PPIP5K2: variants seen among roughly 807,000 people sequenced by gnomAD.
PPIP5K2 encodes the protein diphosphoinositol pentakisphosphate kinase 2, also known as inositol hexakisphosphate and diphosphoinositol-pentakisphosphate kinase 2.
Under a neutral mutation model 154.6 loss-of-function variants are expected in PPIP5K2, and 105 were observed. The ratio of observed to expected loss-of-function variants is 0.68; its 90% confidence interval spans 0.58 to 0.80. PPIP5K2 has a LOEUF of 0.80. PPIP5K2 is among the 30% of genes least tolerant of loss of function. The pLI, the probability that PPIP5K2 is intolerant of heterozygous loss-of-function variation, is 0.00. For synonymous variants in PPIP5K2, 480 were observed against 490.3 expected (o/e 0.98, Z 0.28); for missense variants, 992 against 1,504.6 (o/e 0.66, Z 5.64).
At chr5:103,138,236 C>A (rs912819337) in intron 4 of PPIP5K2, 148 bp from the exon 5 acceptor site, 4 of 388,098 alleles carry the variant, frequency 1.0e-5, no homozygotes, top group Non-Finnish European at 1.8e-5. Flanking sequence ...TTCGAAGTGA[C>A]ATTTGTTTAT....
chr5:103,162,822 C>G (rs578059417), intron 17 of PPIP5K2, among the ~76,000 whole-genome samples: 1 of 152,112 alleles, frequency 6.6e-6, no homozygotes, highest in Admixed American at 6.6e-5. Flanking sequence ...CTGTTTTGCT[C>G]TTCACATTTA....
chr5:103,176,873 A>G (rs2149720940), intron 21 of PPIP5K2: 1 of 1,434,264 alleles, frequency 7.0e-7, no homozygotes, highest in South Asian at 1.2e-5. Context: ...AAGACCAATG[A>G]TTCTCAGAAT....
chr5:103,132,413 G>T (rs1194017176), intron 2 of PPIP5K2, among the ~76,000 whole-genome samples: 1 of 152,082 alleles, frequency 6.6e-6, no homozygotes, highest in Middle Eastern at 3.2e-3. Context: ...GGGTGTGGTG[G>T]TGCATGCCTG....
chr5:103,204,506 A>G lies in PPIP5K2; in HGVS notation c.*2872A>G, dbSNP rs1803386651. On this transcript the variant is annotated 3_prime_UTR_variant, in exon 31 of 31. Transcript: ENST00000358359. ...GTCACCCCAGCTGGAGTGCAGTGGC[A>G]CAGTCTTAATTCACTACAGCCTTGA... 1 of 152,168 alleles carries G rather than the reference A, an allele frequency of 6.6e-6. No individual in the cohort carries two copies. The highest frequency in any genetic ancestry group is 1.5e-5 in the Non-Finnish European group (1 of 68,056). 9.4% of individuals were successfully genotyped at this position (152,168 alleles called of 1,614,324 possible).
intron 21 of PPIP5K2, among the ~76,000 whole-genome samples, chr5:103,174,918 T>C (rs182333137): frequency 8.8e-4 from 134 of 152,136 alleles, no homozygotes; most frequent in Middle Eastern, 3.4e-3. Context: ...TCTTCCCACA[T>C]ACAAAACTCA....
intron 7 of PPIP5K2, chr5:103,148,313 C>G (rs1794066268): frequency 2.6e-6 from 1 of 389,418 alleles, no homozygotes; most frequent in Non-Finnish European, 4.8e-6. Context: ...TTGTGTTACA[C>G]ATAATATGTC....
chr5:103,184,994 A>G (rs1314580065), intron 26 of PPIP5K2, among the ~76,000 whole-genome samples: 1 of 152,172 alleles, frequency 6.6e-6, no homozygotes, highest in African/African-American at 2.4e-5. Flanking sequence ...TCACTTGCCA[A>G]TGCTAGTTTT....
At chr5:103,180,218 A>C in intron 24 of PPIP5K2, 30 bp downstream of exon 24, 1 of 1,499,788 alleles carries the variant, frequency 6.7e-7, no homozygotes, top group Non-Finnish European at 8.9e-7. Context: ...CACATTTTTC[A>C]TACAGTAAAC....
At chr5:103,155,841 G>A in intron 13 of PPIP5K2, 68 bp from the exon 14 acceptor site, 1 of 981,380 alleles carries the variant, frequency 1.0e-6, no homozygotes, top group Non-Finnish European at 1.6e-6. Context: ...CAAATAAAAG[G>A]GAGCATGAAT....
chr5:103,184,577 TA>T, intron 25 of PPIP5K2, 94 bp from the exon 26 acceptor site: 1 of 873,448 alleles, frequency 1.1e-6, no homozygotes, highest in Non-Finnish European at 1.8e-6. Flanking sequence ...TACAGCTTAT[TA>T]ACCTTTGTCT....
chr5:103,150,503 T>C (rs1794457814), intron 8 of PPIP5K2, among the ~76,000 whole-genome samples: 1 of 152,332 alleles, frequency 6.6e-6, no homozygotes, highest in South Asian at 2.1e-4. Context: ...CTGGGCGTGG[T>C]GGCTCACACC....
intron 24 of PPIP5K2, among the ~76,000 whole-genome samples, chr5:103,180,732 C>A (rs1446651264): frequency 6.6e-6 from 1 of 151,638 alleles, no homozygotes; most frequent in East Asian, 1.9e-4. Context: ...CACCTGTAGT[C>A]CCAGCTACTC....
intron 1 of PPIP5K2, among the ~76,000 whole-genome samples, chr5:103,124,890 A>G (rs1554200177): frequency 6.6e-6 from 1 of 152,228 alleles, no homozygotes; most frequent in East Asian, 1.9e-4. Context: ...AGTGCCTAAT[A>G]AATGTTCCTT....
rs1554228143 is a variant in PPIP5K2 at position 103,195,173 on chromosome 5, A to T, written c.3619+148A>T. The T allele has an allele frequency of 2.0e-6, 2 of 991,342 alleles. 1 individual carries two copies. The highest frequency in any genetic ancestry group is 2.8e-6 in the Non-Finnish European group (2 of 704,944). 61.4% of individuals were successfully genotyped at this position (991,342 alleles called of 1,614,324 possible). A position where few individuals can be genotyped will look rare whatever the true frequency, so the allele number is the denominator to read the frequency against. On this transcript the variant is annotated intron_variant, in intron 30 of 30. Coordinates refer to ENST00000358359, the MANE Select transcript of PPIP5K2 (RefSeq NM_001276277.3). ...CTAAGGGTTAAAAATCGATTATTGT[A>T]GTCAATTGATATATATTTGTTTTTT...
rs782341831 is a variant in PPIP5K2 at position 103,129,664 on chromosome 5, C to A, written c.75C>A (p.Phe25Leu). Residue 25 changes from phenylalanine (F) to leucine (L), a missense_variant, in exon 2 of 31, where the codon TTC (phenylalanine) becomes TTA (leucine). This residue lies in a region of PPIP5K2 where 153 missense variants were observed against 200.4 expected (regional missense o/e 0.76). Coordinates refer to ENST00000358359, the MANE Select transcript of PPIP5K2 (RefSeq NM_001276277.3). ...EINPGNYRHF[F>L]HHADEDDEEE... is the part of the protein sequence containing the mutation. ...ATCCTGGAAATTATCGACATTTCTT[C>A]CACCATGCAGATGAAGACGATGAGG... 17 of 1,609,486 alleles carry A rather than the reference C, an allele frequency of 1.1e-5. No homozygotes were observed. The South Asian group carries it at 1.8e-4, about 17-fold the overall frequency.
Position 103,153,939 on chromosome 5 carries a change from GT to G in PPIP5K2, c.1217+9del. ...AATGGAAGTGAGACATCAGAAGTAT[GT>G]TTTCAGATGAATAATTTAACATGCA... On this transcript the variant is annotated splice_donor_region_variant and intron_variant, in intron 11 of 30. Coordinates refer to ENST00000358359, the MANE Select transcript of PPIP5K2 (RefSeq NM_001276277.3). 6.4e-7 allele frequency: 1 copy of G among 1,570,860 alleles called. No homozygotes were observed. The highest frequency in any genetic ancestry group is 8.7e-7 in the Non-Finnish European group (1 of 1,151,916).
At chr5:103,163,990 A>G (rs1796748076) in intron 17 of PPIP5K2, among the ~76,000 whole-genome samples, 1 of 151,974 alleles carries the variant, frequency 6.6e-6, no homozygotes, top group African/African-American at 2.4e-5. Flanking sequence ...TTCCTATTTG[A>G]GGAGAATAGT....
rs2149892000 is a variant in PPIP5K2, at chr5:103,209,351, CT to C, written c.*7721del. 1 of 152,142 alleles carries C rather than the reference CT, an allele frequency of 6.6e-6. No homozygotes were observed. The highest frequency in any genetic ancestry group is 2.4e-5 in the African/African-American group (1 of 41,502). The allele number at this position is 152,142 out of a possible 1,614,324, so 9.4% of individuals were successfully genotyped here. A position where few individuals can be genotyped will look rare whatever the true frequency, so the allele number is the denominator to read the frequency against. On this transcript the variant is annotated 3_prime_UTR_variant, in exon 31 of 31. Coordinates refer to ENST00000358359, the MANE Select transcript of PPIP5K2 (RefSeq NM_001276277.3). ...ATAAAGGTTATTCTAGCATCTTCTC[CT>C]TTTAAAAATCTTTAAAATAAGAGAA...
At chr5:103,191,161 T>C (rs1801170462) in intron 29 of PPIP5K2, 179 bp downstream of exon 29, 4 of 453,338 alleles carry the variant, frequency 8.8e-6, no homozygotes, top group Non-Finnish European at 3.6e-6. Context: ...ACCTCTTTTT[T>C]TTACTCTGCC....
Sources: allele counts gnomAD v4.1 joint callset (sites outside exome capture counted in the v4.1 genomes callset), GRCh38; gene constraint gnomAD v4.1.1; regional missense constraint gnomAD v4.1.1; transcripts MANE v1.5; gene names NCBI Gene and HGNC (gene_info 2026-07-23, HGNC 2026-07-21).